LRRTM4: variants seen among roughly 807,000 people sequenced by gnomAD.
The protein encoded by LRRTM4 is leucine rich repeat transmembrane neuronal 4.
A neutral mutation model predicts 47.6 loss-of-function variants in LRRTM4; 25 were observed. The observed-to-expected ratio is 0.53, with a 90% CI of 0.38 to 0.73. The LOEUF is 0.73. Ranked by LOEUF, LRRTM4 falls within the 30% of genes least tolerant of loss-of-function variation. LRRTM4 has a pLI of 0.00. For missense variants in LRRTM4, 638 were observed against 713.4 expected, an observed-to-expected ratio of 0.89 and a Z score of 1.20; for synonymous variants, 311 against 269.5, an observed-to-expected ratio of 1.15 and a Z score of -1.51.
chr2:77,367,967 A>G (rs1672521792), intron 3 of LRRTM4, among the ~76,000 whole-genome samples: 1 of 151,876 alleles, frequency 6.6e-6, no homozygotes, highest in African/African-American at 2.4e-5. Context: ...GCTACATTTT[A>G]GGTGCCTTTT....
chr2:77,162,206 C>T (rs766418123), intron 3 of LRRTM4, among the ~76,000 whole-genome samples: 5 of 152,330 alleles, frequency 3.3e-5, no homozygotes, highest in South Asian at 2.1e-4. Context: ...CCCACACCCA[C>T]GGAGCCTCGC....
chr2:77,350,810 T>G (rs1203477715), intron 3 of LRRTM4, among the ~76,000 whole-genome samples: 1 of 134,820 alleles, frequency 7.4e-6, no homozygotes, highest in Admixed American at 7.6e-5. Context: ...GAAATATTGC[T>G]CTGACTCACC....
intron 3 of LRRTM4, among the ~76,000 whole-genome samples, chr2:77,251,767 C>T (rs1274835931): frequency 6.6e-6 from 1 of 152,146 alleles, no homozygotes; most frequent in Non-Finnish European, 1.5e-5. Flanking sequence ...TCTGTGACTG[C>T]TAATGGCTGC....
intron 3 of LRRTM4, among the ~76,000 whole-genome samples, chr2:76,922,836 G>A (rs938482828): frequency 3.9e-5 from 6 of 152,064 alleles, no homozygotes; most frequent in African/African-American, 1.4e-4. Flanking sequence ...CAGGAAGCCA[G>A]CAGGAAAACA....
chr2:77,028,130 T>A (rs1188654244), intron 3 of LRRTM4, among the ~76,000 whole-genome samples: 1 of 152,256 alleles, frequency 6.6e-6, no homozygotes, highest in South Asian at 2.1e-4. Flanking sequence ...AGGCTCTATA[T>A]GGACAAAAAT....
intron 3 of LRRTM4, among the ~76,000 whole-genome samples, chr2:76,904,824 G>A (rs1179370353): frequency 6.6e-6 from 1 of 152,236 alleles, no homozygotes; most frequent in African/African-American, 2.4e-5. Context: ...AAGGTGTTAT[G>A]GTAAAAATAA....
rs145351077 is a variant in LRRTM4, at chr2:76,957,070, T to C, written c.1552-208154A>G. Among the ~76,000 whole-genome samples the C allele has an allele frequency of 8.7e-3, 1,314 of 151,862 alleles. 27 individuals are homozygous for C. Among genetic ancestry groups the C allele is most frequent in the African/African-American group, 0.029 (1,211 of 41,490 alleles). ...AATGTGATATATACATACAATGAAATATTATTTGGCAAGAAAAGAGAAAAT... is the reference window on the plus strand; with the variant it reads ...AATGTGATATATACATACAATGAAACATTATTTGGCAAGAAAAGAGAAAAT... On this transcript the variant is annotated intron_variant, in intron 3 of 3. Coordinates refer to ENST00000409884, the MANE Select transcript of LRRTM4 (RefSeq NM_001134745.3).
At chr2:77,416,436 T>A (rs185366671) in intron 3 of LRRTM4, among the ~76,000 whole-genome samples, 1 of 152,140 alleles carries the variant, frequency 6.6e-6, no homozygotes, top group Admixed American at 6.6e-5. Context: ...TGGTAAGTAC[T>A]AAAACATTTA....
chr2:77,187,151 C>T (rs901140099), intron 3 of LRRTM4, among the ~76,000 whole-genome samples: 4 of 152,092 alleles, frequency 2.6e-5, no homozygotes, highest in Non-Finnish European at 5.9e-5. Context: ...GAAAGGAAGT[C>T]TGTAGCCAAT....
At chr2:77,233,566 T>C (rs1192146879) in intron 3 of LRRTM4, among the ~76,000 whole-genome samples, 1 of 152,240 alleles carries the variant, frequency 6.6e-6, no homozygotes, top group Non-Finnish European at 1.5e-5. Flanking sequence ...TGAAGGTTTA[T>C]ATTTCAAGTT....
intron 3 of LRRTM4, among the ~76,000 whole-genome samples, chr2:77,394,359 T>C (rs1673619261): frequency 6.6e-6 from 1 of 152,022 alleles, no homozygotes; most frequent in Non-Finnish European, 1.5e-5. Context: ...ACTGTCAAGA[T>C]TGTATTTTCA....
intron 3 of LRRTM4, among the ~76,000 whole-genome samples, chr2:77,299,878 G>A (rs1392509552): frequency 3.4e-5 from 5 of 145,412 alleles, no homozygotes; most frequent in Admixed American, 1.4e-4. Flanking sequence ...TTTTGAGACG[G>A]GGTCTCGTTC....
At position 77,522,368 on chromosome 2, in the gene LRRTM4, T is replaced by C. The variant is rs1434704577; in HGVS notation, c.-407A>G. 2 of 415,418 alleles carry C rather than the reference T, an allele frequency of 4.8e-6. No individual in the cohort carries two copies. The highest frequency in any genetic ancestry group is 4.1e-5 in the African/African-American group (2 of 48,936). 25.7% of individuals were successfully genotyped at this position (415,418 alleles called of 1,614,324 possible). A position where few individuals can be genotyped will look rare whatever the true frequency, so the allele number is the denominator to read the frequency against. On this transcript the variant is annotated 5_prime_UTR_variant, in exon 1 of 4. Coordinates refer to ENST00000409884, the MANE Select transcript of LRRTM4 (RefSeq NM_001134745.3). ...TTGTTGGTGCTAATGCTTGAGTTTG[T>C]GATACACTGAGTGCCCTCCGCTGGA...
intron 3 of LRRTM4, among the ~76,000 whole-genome samples, chr2:76,812,868 T>C (rs1670786715): frequency 6.8e-6 from 1 of 146,368 alleles, no homozygotes; most frequent in African/African-American, 2.5e-5. Context: ...GATATTAATA[T>C]TTAATTATCA....
At chr2:77,107,699 T>A (rs1251909168) in intron 3 of LRRTM4, among the ~76,000 whole-genome samples, 1 of 151,316 alleles carries the variant, frequency 6.6e-6, no homozygotes, top group African/African-American at 2.4e-5. Flanking sequence ...ATGCCTGTAA[T>A]CCTAGCTACT....
At chr2:77,235,336 G>A (rs1305200320) in intron 3 of LRRTM4, among the ~76,000 whole-genome samples, 1 of 152,014 alleles carries the variant, frequency 6.6e-6, no homozygotes, top group Non-Finnish European at 1.5e-5. Flanking sequence ...ATCTTCTTCT[G>A]AGAAGTATCT....
intron 3 of LRRTM4, among the ~76,000 whole-genome samples, chr2:76,797,449 A>G (rs1318625778): frequency 8.5e-5 from 13 of 152,150 alleles, no homozygotes; most frequent in Non-Finnish European, 1.8e-4. Context: ...CTGCCCTAAA[A>G]GAGCTCCTGA....
chr2:77,497,341 G>A (rs1261325826), intron 3 of LRRTM4, among the ~76,000 whole-genome samples: 1 of 147,794 alleles, frequency 6.8e-6, no homozygotes, highest in East Asian at 1.9e-4. Context: ...TGCTTACTTT[G>A]TGTTTGATTT....
chr2:76,807,411 T>TCTATATATATACACAC (rs1670526979), intron 3 of LRRTM4, among the ~76,000 whole-genome samples: 1 of 86,046 alleles, frequency 1.2e-5, no homozygotes, highest in Non-Finnish European at 2.0e-5. Context: ...TATATACGTA[T>TCTATATATATACACAC]ATATATATAT....
Sources: gnomAD v4.1 joint callset for allele counts (sites outside exome capture counted in the v4.1 genomes callset) on GRCh38, gnomAD v4.1.1 for gene constraint, MANE v1.5 for transcripts, NCBI Gene and HGNC (gene_info 2026-07-23, HGNC 2026-07-21) for gene names.